The following PTP4A1 variants were observed in gnomAD, a reference collection of about 807,000 sequenced individuals.
PTP4A1 encodes the protein protein tyrosine phosphatase 4A1.
PTP4A1 carries 9 observed loss-of-function variants against 20.5 expected under a neutral mutation model. The ratio of observed to expected loss-of-function variants is 0.44; its 90% CI spans 0.26 to 0.77. PTP4A1 has a LOEUF of 0.77. PTP4A1 is among the 30% of genes least tolerant of loss of function. The pLI is 0.19. For missense variants in PTP4A1, 137 were observed against 218.8 expected (o/e 0.63, Z 2.36); for synonymous variants, 78 against 67.4 (o/e 1.16, Z -0.77).
chr6:63,563,624 T>C (rs141441964), intron 3 of PTP4A1, among the ~76,000 whole-genome samples: 1,676 of 152,322 alleles, frequency 0.011, 15 homozygotes, highest in South Asian at 0.038. Context: ...ATAAATTTCA[T>C]TGGGGCAGAA....
chr6:63,577,661 A>G (rs777886453), intron 2 of PTP4A1, among the ~76,000 whole-genome samples: 6 of 152,084 alleles, frequency 3.9e-5, no homozygotes, highest in African/African-American at 1.2e-4. Flanking sequence ...GGTTCAAGCA[A>G]TTCTCCTGCC....
chr6:63,539,054 G>T (rs889035406), intron 2 of PTP4A1, among the ~76,000 whole-genome samples: 1 of 151,798 alleles, frequency 6.6e-6, no homozygotes, highest in African/African-American at 2.4e-5. Context: ...CACCATACCC[G>T]GCTAATTTGT....
chr6:63,569,074 A>G (rs1777304282), upstream of PTP4A1, among the ~76,000 whole-genome samples: 1 of 152,182 alleles, frequency 6.6e-6, no homozygotes, highest in African/African-American at 2.4e-5. Flanking sequence ...AGCCCCAACC[A>G]ATCTGAGAAG....
intron 2 of PTP4A1, among the ~76,000 whole-genome samples, chr6:63,543,369 T>C (rs1776060362): frequency 6.6e-6 from 1 of 152,222 alleles, no homozygotes; most frequent in Admixed American, 6.5e-5. Context: ...TCTTGGCACC[T>C]TTCAAAAGTT....
intron 1 of PTP4A1, chr6:63,573,404 C>T (rs546548338): frequency 5.6e-4 from 86 of 152,394 alleles, no homozygotes; most frequent in African/African-American, 1.9e-3. Context: ...CAGCTACACT[C>T]TTGTGCTCGA....
intron 3 of PTP4A1, among the ~76,000 whole-genome samples, chr6:63,561,310 G>T (rs761577227): frequency 2.6e-5 from 4 of 152,030 alleles, no homozygotes; most frequent in Non-Finnish European, 4.4e-5. Flanking sequence ...ATTTATGAAA[G>T]GTTTAATATA....
chr6:63,529,185 ATG>A (rs1397188455), intron 2 of PTP4A1, among the ~76,000 whole-genome samples: 2 of 147,060 alleles, frequency 1.4e-5, no homozygotes, highest in African/African-American at 5.0e-5. Context: ...ATGTATATAT[ATG>A]TGTGTATATA....
chr6:63,538,852 G>A (rs549801547), intron 2 of PTP4A1, among the ~76,000 whole-genome samples: 1 of 152,160 alleles, frequency 6.6e-6, no homozygotes, highest in Non-Finnish European at 1.5e-5. Context: ...ATGATACTAG[G>A]TGTGGGAACC....
intron 1 of PTP4A1, 59 bp from the exon 2 acceptor site, chr6:63,576,377 T>C (rs1777868552): frequency 5.0e-6 from 2 of 399,518 alleles, no homozygotes; most frequent in Non-Finnish European, 8.8e-6. Context: ...AACCCTAATG[T>C]ATTTCTTTTG....
chr6:63,518,249 C>T (rs749113606), upstream of PTP4A1, among the ~76,000 whole-genome samples: 3 of 151,892 alleles, frequency 2.0e-5, no homozygotes, highest in Non-Finnish European at 2.9e-5. Flanking sequence ...TTATTGCTGC[C>T]AGAGCACATC....
In PTP4A1 at chr6:63,576,919, A is replaced by T. The variant is rs1259836952; in HGVS notation, c.39A>T (p.Thr13=). 2 of 1,614,032 alleles carry T rather than the reference A, an allele frequency of 1.2e-6. No homozygotes were observed. The highest frequency in any genetic ancestry group is 1.3e-5 in the African/African-American group (1 of 75,068). ...RMNRPAPVEV[T]YKNMRFLITH... Reference sequence around the variant, plus strand: ...ACCGCCCAGCTCCTGTGGAAGTCACATACAAGAACATGAGATTTCTTATTA... The same window carrying T: ...ACCGCCCAGCTCCTGTGGAAGTCACTTACAAGAACATGAGATTTCTTATTA... Residue 13 remains threonine (T), a synonymous_variant, in exon 2 of 6, where the codon ACA becomes ACT. Coordinates refer to ENST00000626021, the MANE Select transcript of PTP4A1 (RefSeq NM_003463.5).
chr6:63,532,557 C>T (rs371776825), intron 2 of PTP4A1, among the ~76,000 whole-genome samples: 1 of 152,078 alleles, frequency 6.6e-6, no homozygotes, highest in East Asian at 1.9e-4. Context: ...TAAATAAATG[C>T]CATTAAATCC....
chr6:63,543,067 C>T (rs1015894761), intron 2 of PTP4A1, among the ~76,000 whole-genome samples: 1 of 152,090 alleles, frequency 6.6e-6, no homozygotes, highest in African/African-American at 2.4e-5. Context: ...TCAACTATAT[C>T]CCCCACTGCA....
At chr6:63,548,713 C>T in intron 2 of PTP4A1, 1 of 623,166 alleles carries the variant, frequency 1.6e-6, no homozygotes, top group South Asian at 1.9e-5. Flanking sequence ...TACATTTAAC[C>T]CAGCTTAGTT....
At chr6:63,529,185 A>ATG (rs1397188455) in intron 2 of PTP4A1, among the ~76,000 whole-genome samples, 205 of 147,056 alleles carry the variant, frequency 1.4e-3, no homozygotes, top group Admixed American at 2.3e-3. Flanking sequence ...ATGTATATAT[A>ATG]TGTGTGTATA....
At chr6:63,517,490 GAAACCATTTA>G (rs900635315), upstream of PTP4A1, among the ~76,000 whole-genome samples, 14 of 152,068 alleles carry the variant, frequency 9.2e-5, no homozygotes, top group Middle Eastern at 3.2e-3. Flanking sequence ...CCCGTAAAGT[GAAACCATTTA>G]AATGGTGAAA....
intron 2 of PTP4A1, among the ~76,000 whole-genome samples, chr6:63,535,366 GC>G (rs1775672353): frequency 6.6e-6 from 1 of 152,076 alleles, no homozygotes; most frequent in South Asian, 2.1e-4. Flanking sequence ...CAACTTGGGT[GC>G]CTGAGGCACG....
chr6:63,534,093 T>C (rs1178025533), intron 2 of PTP4A1, among the ~76,000 whole-genome samples: 1 of 152,164 alleles, frequency 6.6e-6, no homozygotes, highest in East Asian at 1.9e-4. Context: ...TCTGCCCACC[T>C]TGACCTATCA....
At chr6:63,523,637 T>G (rs1356816243) in intron 1 of PTP4A1, among the ~76,000 whole-genome samples, 1 of 152,246 alleles carries the variant, frequency 6.6e-6, no homozygotes, top group Non-Finnish European at 1.5e-5. Flanking sequence ...CTTATTTGCC[T>G]AGAGCAAGCT....
Sources: gnomAD v4.1 joint callset for allele counts (sites outside exome capture counted in the v4.1 genomes callset) on GRCh38, gnomAD v4.1.1 for gene constraint, MANE v1.5 for transcripts, NCBI Gene and HGNC (gene_info 2026-07-23, HGNC 2026-07-21) for gene names.